CHL1: variants seen among roughly 807,000 people sequenced by gnomAD.
CHL1 encodes cell adhesion molecule L1 like, also known as neural cell adhesion molecule L1-like protein.
In CHL1, 96 loss-of-function variants were observed where a neutral mutation model predicts 141.9. That is an observed-to-expected ratio of 0.68 (90% CI 0.57 to 0.80). The LOEUF (loss-of-function observed/expected upper bound fraction) is 0.80. Among genes scored for constraint, CHL1 ranks in the 30% least tolerant of loss-of-function variants. The pLI is 0.00. For synonymous variants in CHL1, 613 were observed against 502.2 expected (o/e 1.22, Z -2.95); for missense variants, 1,820 against 1,457.2 (o/e 1.25, Z -4.05).
intron 2 of CHL1, among the ~76,000 whole-genome samples, chr3:245,202 T>G (rs1279839587): frequency 6.6e-6 from 1 of 151,930 alleles, no homozygotes. Context: ...TTGATTGGAG[T>G]TTTTTCAAAT....
rs1704264241 is a variant in CHL1, at chr3:361,649, A to G, written c.1307-50A>G. On this transcript the variant is annotated intron_variant, in intron 12 of 27. Coordinates refer to ENST00000256509, the MANE Select transcript of CHL1 (RefSeq NM_006614.4). Reference sequence around the variant, plus strand: ...GGACATAGAAAAATTTAATTTGCATATCTTTCTTCCACAAAAGTTTAAAAC... The same window carrying G: ...GGACATAGAAAAATTTAATTTGCATGTCTTTCTTCCACAAAAGTTTAAAAC... 4 of 1,279,656 alleles carry G rather than the reference A, an allele frequency of 3.1e-6. 1 individual carries two copies. The South Asian group carries it at 3.6e-5, about 11-fold the overall frequency. The allele number at this position is 1,279,656 out of a possible 1,614,324, so 79.3% of individuals were successfully genotyped here.
At chr3:388,211 A>T (rs1016413288) in intron 19 of CHL1, among the ~76,000 whole-genome samples, 3 of 152,260 alleles carry the variant, frequency 2.0e-5, no homozygotes, top group African/African-American at 4.8e-5. Flanking sequence ...AGTGTTGCTC[A>T]ATTAAAAACT....
chr3:320,043 G>A (rs1700440036), intron 3 of CHL1, among the ~76,000 whole-genome samples, 176 bp downstream of exon 3: 1 of 151,994 alleles, frequency 6.6e-6, no homozygotes, highest in African/African-American at 2.4e-5. Context: ...GCTGATACAT[G>A]ACTGCTGTAA....
At chr3:205,771 A>G (rs569381317) in intron 1 of CHL1, among the ~76,000 whole-genome samples, 6 of 152,362 alleles carry the variant, frequency 3.9e-5, no homozygotes, top group African/African-American at 9.6e-5. Flanking sequence ...TGCCAGGCAG[A>G]TACTTAAATA....
chr3:275,929 T>A (rs887265444), intron 2 of CHL1, among the ~76,000 whole-genome samples: 67 of 152,200 alleles, frequency 4.4e-4, no homozygotes, highest in African/African-American at 1.5e-3. Context: ...GCTAAGTAGT[T>A]TATATTTTAC....
At chr3:355,941 A>G (rs1703675748) in intron 11 of CHL1, among the ~76,000 whole-genome samples, 1 of 152,290 alleles carries the variant, frequency 6.6e-6, no homozygotes, top group Non-Finnish European at 1.5e-5. Flanking sequence ...TCATCAGTAA[A>G]TTGGGATAAA....
chr3:237,277 T>G (rs1299238198), intron 1 of CHL1, among the ~76,000 whole-genome samples: 1 of 152,178 alleles, frequency 6.6e-6, no homozygotes, highest in Non-Finnish European at 1.5e-5. Flanking sequence ...TCACTCTGTC[T>G]CTCTGCTGCC....
At chr3:251,778 C>G (rs931050687) in intron 2 of CHL1, among the ~76,000 whole-genome samples, 1 of 152,106 alleles carries the variant, frequency 6.6e-6, no homozygotes, top group Non-Finnish European at 1.5e-5. Context: ...TTTCTTTAAT[C>G]CACACTTAGA....
Position 342,262 on chromosome 3 carries a change from C to T in CHL1, c.679+180C>T, listed in dbSNP as rs186677608. On this transcript the variant is annotated intron_variant, in intron 7 of 27. Transcript: ENST00000256509. The stretch of plus-strand genomic sequence containing the variant: ...AGCTGCAGATTCACGGTAGCTCTGT[C>T]TCTCACAGCCAGGAAATCACATCTC... 1.7e-3 allele frequency among the ~76,000 whole-genome samples: 258 copies of T among 152,316 alleles called. 1 individual carries two copies. The highest frequency in any genetic ancestry group is 5.9e-3 in the African/African-American group (245 of 41,584).
chr3:278,854 A>G (rs1475757079), intron 2 of CHL1, among the ~76,000 whole-genome samples: 1 of 152,226 alleles, frequency 6.6e-6, no homozygotes, highest in East Asian at 1.9e-4. Context: ...TCAAACTTAG[A>G]CATAGAGCAA....
Position 394,873 on chromosome 3 carries a change from G to C in CHL1, c.3094+1G>C. 1 of 1,605,448 alleles carries C rather than the reference G, an allele frequency of 6.2e-7. No homozygotes were observed. Among genetic ancestry groups the C allele is most frequent in the Non-Finnish European group, 8.5e-7 (1 of 1,177,298 alleles). On this transcript the variant is annotated splice_donor_variant, in intron 24 of 27. Coordinates refer to ENST00000256509, the MANE Select transcript of CHL1 (RefSeq NM_006614.4). LOFTEE classifies it high-confidence loss of function. ...GAAAGCTCCACCTTAGGAGAAGGGA[G>C]TAAGTACATGAGGCTTCTCTTTTTA...
At chr3:263,996 T>C (rs950277359) in intron 2 of CHL1, among the ~76,000 whole-genome samples, 1 of 152,236 alleles carries the variant, frequency 6.6e-6, no homozygotes, top group Non-Finnish European at 1.5e-5. Context: ...ATAGTATTGA[T>C]GGACTGCACT....
chr3:265,542 C>A (rs1316187860), intron 2 of CHL1, among the ~76,000 whole-genome samples: 1 of 152,112 alleles, frequency 6.6e-6, no homozygotes, highest in East Asian at 1.9e-4. Context: ...AGCTGAAATT[C>A]CAACACTGTT....
chr3:401,943 T>G (rs1709175442), intron 27 of CHL1, among the ~76,000 whole-genome samples: 2 of 152,190 alleles, frequency 1.3e-5, no homozygotes, highest in Admixed American at 1.3e-4. Context: ...TTCTTGAAGC[T>G]CTGTGCCTAA....
intron 1 of CHL1, chr3:213,743 A>G (rs187462832): frequency 1.3e-5 from 2 of 152,358 alleles, no homozygotes; most frequent in East Asian, 3.9e-4. Context: ...TGGAAAGCAA[A>G]GAAGAGATTG....
chr3:343,002 C>G lies in CHL1; in HGVS notation c.698C>G (p.Ser233Ter). 6.2e-7 allele frequency: 1 copy of G among 1,609,030 alleles called. No individual in the cohort carries two copies. The highest frequency in any genetic ancestry group is 8.5e-7 in the Non-Finnish European group (1 of 1,178,196). The part of the protein sequence containing the change: ...TVNSLKHAND[S>*]SSSTEIGSKA... Reference sequence around the variant, plus strand: ...ATTTCAGTAAAGCATGCTAATGACTCAAGTTCATCCACAGAAATTGGTTCC... The same window carrying G: ...ATTTCAGTAAAGCATGCTAATGACTGAAGTTCATCCACAGAAATTGGTTCC... Residue 233 changes from serine to a stop codon, truncating the protein, a stop_gained, in exon 8 of 28, where the codon TCA (serine) becomes TGA (stop). Transcript: ENST00000256509. LOFTEE classifies it high-confidence loss of function.
At chr3:382,701 C>G in intron 18 of CHL1, 30 bp downstream of exon 18, 2 of 1,581,322 alleles carry the variant, frequency 1.3e-6, no homozygotes, top group Non-Finnish European at 1.7e-6. Context: ...AGGTTTCTAA[C>G]AAAATATTTG....
At position 312,177 on chromosome 3, in the gene CHL1, A is replaced by G. The variant is rs11917400; in HGVS notation, c.-94-7506A>G. Among the ~76,000 whole-genome samples, 788 of 152,340 alleles carry G rather than the reference A, an allele frequency of 5.2e-3. 8 individuals are homozygous for G. Among genetic ancestry groups the G allele is most frequent in the African/African-American group, 0.018 (747 of 41,572 alleles). On this transcript the variant is annotated intron_variant, in intron 2 of 27. Transcript: ENST00000256509. ...TATTAATGATATTAGTTTATCCCAC[A>G]TCATTATTAACTAAAGCTGACATTT...
At chr3:385,106 CTTAAT>C (rs1476983072) in intron 19 of CHL1, among the ~76,000 whole-genome samples, 3 of 152,186 alleles carry the variant, frequency 2.0e-5, no homozygotes, top group African/African-American at 7.2e-5. Context: ...TTGATAATTA[CTTAAT>C]TTATAGTCTA....
Sources: allele counts gnomAD v4.1 joint callset (sites outside exome capture counted in the v4.1 genomes callset), GRCh38; gene constraint gnomAD v4.1.1; transcripts MANE v1.5; gene names NCBI Gene and HGNC (gene_info 2026-07-23, HGNC 2026-07-21).